The following RFX7 variants were observed in gnomAD, a reference collection of about 807,000 sequenced individuals.
RFX7 encodes DNA-binding protein RFX7.
In RFX7, 26 loss-of-function variants were observed where a neutral mutation model predicts 111.8. The observed-to-expected ratio is 0.23, with a 90% CI of 0.17 to 0.32. RFX7 has a LOEUF of 0.32. Ranked by LOEUF, RFX7 falls within the 10% of genes least tolerant of loss-of-function variation. The pLI, the probability that RFX7 is intolerant of heterozygous loss-of-function variation, is 1.00. For missense variants in RFX7, 1,573 were observed against 1,772.9 expected, an observed-to-expected ratio of 0.89 and a Z score of 2.02; for synonymous variants, 624 against 624.4, an observed-to-expected ratio of 1.00 and a Z score of 0.01.
chr15:56,109,837 C>A (rs2041887965), intron 5 of RFX7, among the ~76,000 whole-genome samples: 1 of 151,528 alleles, frequency 6.6e-6, no homozygotes, highest in Admixed American at 6.6e-5. Flanking sequence ...AAGTGAGGAG[C>A]CCCTCCGCCC....
intron 8 of RFX7, among the ~76,000 whole-genome samples, chr15:56,100,758 T>G (rs2041741160): frequency 6.6e-6 from 1 of 152,078 alleles, no homozygotes; most frequent in Admixed American, 6.6e-5. Context: ...TAGGAGGGAG[T>G]CATTCTAACA....
Position 56,093,662 on chromosome 15 carries a change from C to T in RFX7, c.4066G>A (p.Gly1356Arg). ...FNSTVKDLLSGDSLQTNQQLV... is the reference protein window; with the variant it reads ...FNSTVKDLLSRDSLQTNQQLV... ...TGCTGGTTGGTTTGCAAGCTGTCTCCACTCAACAGGTCTTTAACAGTGCTA... is the reference window on the plus strand; with the variant it reads ...TGCTGGTTGGTTTGCAAGCTGTCTCTACTCAACAGGTCTTTAACAGTGCTA... Residue 1356 changes from glycine (G) to arginine (R), a missense_variant, in exon 10 of 10, where the codon GGA becomes AGA. Coordinates refer to ENST00000559447, the MANE Select transcript of RFX7 (RefSeq NM_022841.7). The T allele has an allele frequency of 1.9e-6, 3 of 1,613,858 alleles. No homozygotes were observed. Among genetic ancestry groups the T allele is most frequent in the Non-Finnish European group, 2.5e-6 (3 of 1,179,834 alleles).
rs754756659 is a variant in RFX7 at position 56,098,417 on chromosome 15, C to G, written c.812-41G>C. 1.0e-5 allele frequency: 16 copies of G among 1,524,142 alleles called. No individual in the cohort carries two copies. In the Admixed American group the frequency reaches 2.1e-4, roughly 20 times the overall value. 94.4% of individuals were successfully genotyped at this position (1,524,142 alleles called of 1,614,324 possible). On this transcript the variant is annotated intron_variant, in intron 8 of 9. Coordinates refer to ENST00000559447, the MANE Select transcript of RFX7 (RefSeq NM_022841.7). ...AAGGAAAGCTGCAATAAATACTCTC[C>G]TTTATAGAAGGGAGGTTCCTTTGAA...
At chr15:56,236,112 A>G (rs778388149) in intron 2 of RFX7, among the ~76,000 whole-genome samples, 2 of 152,184 alleles carry the variant, frequency 1.3e-5, no homozygotes, top group Non-Finnish European at 2.9e-5. Flanking sequence ...TTATATATAT[A>G]TGAGCTACGG....
rs1025678798 is a variant in RFX7 at position 56,093,748 on chromosome 15, T to G, written c.3980A>C (p.Asn1327Thr). 6.2e-7 allele frequency: 1 copy of G among 1,613,760 alleles called. No individual in the cohort carries two copies. Among genetic ancestry groups the G allele is most frequent in the East Asian group, 2.2e-5 (1 of 44,888 alleles). The stretch of plus-strand genomic sequence containing the variant: ...TGCTTGATTATCTCCAGGAGAAAAA[T>G]TGATCTGACCGGTGCTATTACTTTT... Reference protein sequence around the residue: ...LTKSNSTGQINFSPGDNQAQS... With the variant: ...LTKSNSTGQITFSPGDNQAQS... The change falls in exon 10 of 10, where the codon AAT (asparagine) becomes ACT (threonine). Residue 1327 changes from asparagine to threonine, a missense_variant. By Grantham distance (65) the Asn-to-Thr change is moderately conservative. Transcript: ENST00000559447.
chr15:56,179,450 C>A, intron 2 of RFX7, 147 bp from the exon 3 acceptor site: 1 of 268,612 alleles, frequency 3.7e-6, no homozygotes, highest in Non-Finnish European at 7.5e-6. Context: ...TAGCCTAAAT[C>A]TGTGTTTTTC....
chr15:56,134,078 CCACT>C (rs1355932512), intron 5 of RFX7, among the ~76,000 whole-genome samples: 2 of 152,068 alleles, frequency 1.3e-5, no homozygotes, highest in Non-Finnish European at 2.9e-5. Flanking sequence ...TGTTTTCTAC[CCACT>C]CAGTTTGATA....
chr15:56,094,946 G>T lies in RFX7; in HGVS notation c.2782C>A (p.His928Asn), dbSNP rs1344612440. The T allele has an allele frequency of 1.3e-6, 2 of 1,599,580 alleles. No individual in the cohort carries two copies. Among genetic ancestry groups the T allele is most frequent in the Non-Finnish European group, 1.7e-6 (2 of 1,173,040 alleles). The stretch of plus-strand genomic sequence containing the variant: ...TGATAGAAGTGGGTGCTGGAAGTGT[G>T]AGATGACATTGGAGCTCCTGGAGTT... ...SVTPGAPMSS[H>N]TSSTHFYHPI... is the part of the protein sequence containing the mutation. The change falls in exon 10 of 10, where the codon CAC becomes AAC. Residue 928 changes from histidine (H) to asparagine (N), a missense_variant. His to Asn is a moderately conservative substitution (Grantham distance 68). Around this residue, in one of 7 missense-constraint regions of RFX7, gnomAD observed 625 missense variants for 632.2 expected, o/e 0.99. Transcript: ENST00000559447.
intron 2 of RFX7, among the ~76,000 whole-genome samples, chr15:56,200,783 C>T (rs893489300): frequency 1.5e-4 from 23 of 151,328 alleles, no homozygotes; most frequent in Admixed American, 1.3e-3. Flanking sequence ...TGGCAAGCCT[C>T]GCCGTCTCAA....
intron 2 of RFX7, among the ~76,000 whole-genome samples, chr15:56,220,091 T>C (rs1298317498): frequency 2.0e-5 from 3 of 152,232 alleles, no homozygotes; most frequent in Non-Finnish European, 4.4e-5. Flanking sequence ...ACAGCCATTC[T>C]GACTAGATGG....
At chr15:56,098,405 A>G (rs908181223) in intron 8 of RFX7, 29 bp from the exon 9 acceptor site, 2 of 1,549,888 alleles carry the variant, frequency 1.3e-6, no homozygotes, top group Non-Finnish European at 1.7e-6. Flanking sequence ...GAAAGCTGCA[A>G]TAAATACTCT....
chr15:56,098,501 C>A (rs2041712099), intron 8 of RFX7, 125 bp from the exon 9 acceptor site: 1 of 888,694 alleles, frequency 1.1e-6, no homozygotes, highest in African/African-American at 1.7e-5. Flanking sequence ...AATTTTAACT[C>A]ACAATTTCTT....
intron 2 of RFX7, among the ~76,000 whole-genome samples, chr15:56,183,772 A>G (rs2141144528): frequency 6.6e-6 from 1 of 152,180 alleles, no homozygotes; most frequent in East Asian, 1.9e-4. Context: ...GTAGGACTTT[A>G]TTTTTGGACT....
intron 2 of RFX7, among the ~76,000 whole-genome samples, chr15:56,219,915 C>T (rs1327557239): frequency 4.6e-5 from 7 of 152,050 alleles, no homozygotes; most frequent in South Asian, 2.1e-4. Context: ...ATGGTAGTTC[C>T]GTTTACAGTT....
At chr15:56,187,140 C>T (rs1272263953) in intron 2 of RFX7, among the ~76,000 whole-genome samples, 2 of 150,890 alleles carry the variant, frequency 1.3e-5, no homozygotes, top group East Asian at 3.9e-4. Flanking sequence ...AACATTAAAT[C>T]AAAAGAGTAA....
At chr15:56,203,457 A>G (rs544755482) in intron 2 of RFX7, among the ~76,000 whole-genome samples, 1 of 152,346 alleles carries the variant, frequency 6.6e-6, no homozygotes, top group East Asian at 1.9e-4. Context: ...AAGACTGATC[A>G]TGAAACTCTC....
chr15:56,211,749 C>CAT (rs2043315145), intron 2 of RFX7, among the ~76,000 whole-genome samples: 1 of 152,092 alleles, frequency 6.6e-6, no homozygotes, highest in African/African-American at 2.4e-5. Context: ...CGAAGATGTA[C>CAT]AGATGGCAAA....
intron 3 of RFX7, among the ~76,000 whole-genome samples, chr15:56,147,288 TACA>T (rs1323947837): frequency 1.3e-5 from 2 of 152,318 alleles, no homozygotes; most frequent in East Asian, 3.9e-4. Context: ...TGATACATGC[TACA>T]ACATGGATGA....
intron 2 of RFX7, among the ~76,000 whole-genome samples, chr15:56,219,742 C>T (rs547140055): frequency 6.6e-6 from 1 of 152,244 alleles, no homozygotes; most frequent in East Asian, 1.9e-4. Context: ...ATGTTTACCA[C>T]ATTTTCTTCA....
Sources: allele counts gnomAD v4.1 joint callset (sites outside exome capture counted in the v4.1 genomes callset), GRCh38; gene constraint gnomAD v4.1.1; regional missense constraint gnomAD v4.1.1; transcripts MANE v1.5; gene names NCBI Gene and HGNC (gene_info 2026-07-23, HGNC 2026-07-21).